The following DRC1 variants were observed in gnomAD, a reference collection of about 807,000 sequenced individuals.
DRC1 encodes the protein dynein regulatory complex protein 1.
Under a neutral mutation model 98.7 loss-of-function variants are expected in DRC1, and 74 were observed. The observed-to-expected ratio is 0.75, with a 90% CI of 0.62 to 0.91. The LOEUF is 0.91. Ranked by LOEUF, DRC1 falls within the 40% of genes least tolerant of loss-of-function variation. The pLI is 0.00. For synonymous variants in DRC1, 336 were observed against 334.1 expected (o/e 1.01, Z -0.06); for missense variants, 875 against 886.0 (o/e 0.99, Z 0.16).
At chr2:26,426,334 T>C (rs1246749831) in intron 4 of DRC1, among the ~76,000 whole-genome samples, 1 of 152,092 alleles carries the variant, frequency 6.6e-6, no homozygotes, top group Non-Finnish European at 1.5e-5. Context: ...CAACATTCTT[T>C]AATTCCTGTT....
rs371626401 is a variant in DRC1 at position 26,454,827 on chromosome 2, G to C, written c.2063+37G>C. On this transcript the variant is annotated intron_variant, in intron 15 of 16. Transcript: ENST00000288710. This position sits in a 1 kb window ranked among gnomAD's most constrained non-coding sequence, Gnocchi z 5.2. ...TGTCATGGAGCAGGAGGGTGCTGGC[G>C]GGCAGGTGAGGAACGGTTGTTGGGA... 7 of 1,612,906 alleles carry C rather than the reference G, an allele frequency of 4.3e-6. No individual in the cohort carries two copies. The highest frequency in any genetic ancestry group is 5.9e-6 in the Non-Finnish European group (7 of 1,179,354).
chr2:26,407,642 C>T (rs577626865), intron 1 of DRC1, among the ~76,000 whole-genome samples: 3 of 152,072 alleles, frequency 2.0e-5, no homozygotes, highest in Admixed American at 6.5e-5. Context: ...TGGCTTACTT[C>T]GTCCGACCAC....
At chr2:26,456,321 G>C in intron 16 of DRC1, 140 bp from the exon 17 acceptor site, 1 of 1,002,986 alleles carries the variant, frequency 1.0e-6, no homozygotes, top group South Asian at 1.6e-5. Flanking sequence ...CAGTCTGTGG[G>C]TGTTCAGCAT....
rs558967261 is a variant in DRC1 at position 26,426,580 on chromosome 2, T to C, written c.540+2126T>C. Reference sequence around the variant, plus strand: ...TGGAGTTTCACAATTTTGGCCAGGCTAGTCTCGAACTCCTGACCTCAGGTG... The same window carrying C: ...TGGAGTTTCACAATTTTGGCCAGGCCAGTCTCGAACTCCTGACCTCAGGTG... On this transcript the variant is annotated intron_variant, in intron 4 of 16. Coordinates refer to ENST00000288710, the MANE Select transcript of DRC1 (RefSeq NM_145038.5). Among the ~76,000 whole-genome samples, 66 of 152,144 alleles carry C rather than the reference T, an allele frequency of 4.3e-4. 1 individual carries two copies. Among genetic ancestry groups the C allele is most frequent in the Admixed American group, 1.2e-3 (18 of 15,284 alleles).
chr2:26,425,182 C>T (rs1384442347), intron 4 of DRC1, among the ~76,000 whole-genome samples: 1 of 152,178 alleles, frequency 6.6e-6, no homozygotes, highest in Non-Finnish European at 1.5e-5. Context: ...AATCATACAG[C>T]ATTTGTCCTT....
At chr2:26,440,551 C>A (rs755300811) in intron 8 of DRC1, 34 bp downstream of exon 8, 1 of 1,596,610 alleles carries the variant, frequency 6.3e-7, no homozygotes, top group South Asian at 1.1e-5. Flanking sequence ...TTCTTCTGGG[C>A]CTTCTGTGCT....
chr2:26,448,509 A>T (rs1342010752), intron 10 of DRC1, 182 bp from the exon 11 acceptor site: 1 of 724,364 alleles, frequency 1.4e-6, no homozygotes, highest in Admixed American at 2.0e-5. Context: ...CCGACCCCCT[A>T]GCCCGCCTTC....
intron 7 of DRC1, among the ~76,000 whole-genome samples, chr2:26,438,597 G>C (rs1298965854): frequency 6.6e-6 from 1 of 152,130 alleles, no homozygotes. Context: ...CCATGGTGAC[G>C]CAGAATATCC....
intron 10 of DRC1, among the ~76,000 whole-genome samples, chr2:26,447,130 A>G (rs1182961561): frequency 6.8e-6 from 1 of 148,118 alleles, no homozygotes; most frequent in Non-Finnish European, 1.5e-5. Context: ...AAAAATAAAA[A>G]TAGGCCGGGT....
chr2:26,440,514 A>G lies in DRC1; in HGVS notation c.1025A>G (p.Asn342Ser), dbSNP rs750160871. The change falls in exon 8 of 17, where the codon AAT becomes AGT. Residue 342 changes from asparagine (N) to serine (S), a missense_variant. Asn to Ser is a conservative substitution (Grantham distance 46). Transcript: ENST00000288710. ...VIKSQQKRKI[N>S]RLHDILNNLR... The stretch of plus-strand genomic sequence containing the variant: ...AAATCCCAGCAGAAGAGGAAGATCA[A>G]TCGGTAAGCTAGCATGCAGAGCGTC... 8.1e-6 allele frequency: 13 copies of G among 1,609,988 alleles called. No homozygotes were observed. The highest frequency in any genetic ancestry group is 4.4e-5 in the South Asian group (4 of 90,324).
chr2:26,404,995 GC>G (rs1678370938), intron 1 of DRC1, among the ~76,000 whole-genome samples: 1 of 152,172 alleles, frequency 6.6e-6, no homozygotes, highest in African/African-American at 2.4e-5. Context: ...ATGACCCTAG[GC>G]CCCTTTGGGG....
intron 2 of DRC1, among the ~76,000 whole-genome samples, chr2:26,420,825 G>A (rs1015449629): frequency 2.7e-5 from 4 of 149,094 alleles, no homozygotes; most frequent in Non-Finnish European, 4.4e-5. Flanking sequence ...GTGTAGCGGC[G>A]TGACCTTGGC....
In DRC1 at chr2:26,412,907, C is replaced by G. The variant is rs1346854161; in HGVS notation, c.156-1437C>G. Reference sequence around the variant, plus strand: ...ACGCCATTCTCCTGCCTCAGCCTCCCAAGTAGCTGGGACTACAGGCGCCCA... The same window carrying G: ...ACGCCATTCTCCTGCCTCAGCCTCCGAAGTAGCTGGGACTACAGGCGCCCA... On this transcript the variant is annotated intron_variant, in intron 1 of 16. Transcript: ENST00000288710. Among the ~76,000 whole-genome samples the G allele has an allele frequency of 2.6e-5, 4 of 152,254 alleles. No homozygotes were observed. In the East Asian group the frequency reaches 7.7e-4, roughly 29 times the overall value.
Position 26,438,323 on chromosome 2 carries a change from CT to C in DRC1, c.889-2050del, listed in dbSNP as rs201322273. Among the ~76,000 whole-genome samples, 4 of 152,098 alleles carry C rather than the reference CT, an allele frequency of 2.6e-5. No individual in the cohort carries two copies. The East Asian group carries it at 7.7e-4, about 29-fold the overall frequency. ...TTGCAGCTTCTTTCTCCTATGTCTT[CT>C]TTTTCATTTGCTGTACTTTCCAAAT... On this transcript the variant is annotated intron_variant, in intron 7 of 16. Transcript: ENST00000288710.
Position 26,449,885 on chromosome 2 carries a change from G to A in DRC1, c.1510-111G>A, listed in dbSNP as rs370369506. The A allele has an allele frequency of 3.4e-4, 312 of 929,570 alleles. 4 individuals carry two copies. In the South Asian group the frequency reaches 3.7e-3, roughly 11 times the overall value. 57.6% of individuals were successfully genotyped at this position (929,570 alleles called of 1,614,324 possible). On this transcript the variant is annotated intron_variant, in intron 11 of 16. Transcript: ENST00000288710. ...CCACTGCTGGCTCCCATCCCTGGGC[G>A]TCTGCTCCGTGGCATGGTCCCTGGA...
Position 26,453,527 on chromosome 2 carries a change from G to T in DRC1, c.1897G>T (p.Val633Phe), listed in dbSNP as rs12623642. Residue 633 changes from valine to phenylalanine, a missense_variant, in exon 14 of 17, where the codon GTC (valine) becomes TTC (phenylalanine). Transcript: ENST00000288710. ...TGTCCTCAAGATTCTGGAGGCCTTC[G>T]TCATGGGTCTGAAGAAGCCTAGGTG... ...NDVLKILEAF[V>F]MGLKKPRDSR... is the part of the protein sequence containing the mutation. The T allele has an allele frequency of 0.092, 148,132 of 1,613,792 alleles. 15,805 individuals carry two copies. Among genetic ancestry groups the T allele is most frequent in the East Asian group, 0.61 (27,460 of 44,842 alleles).
chr2:26,444,597 TG>T, intron 9 of DRC1, 118 bp from the exon 10 acceptor site: 1 of 1,099,972 alleles, frequency 9.1e-7, no homozygotes, highest in Non-Finnish European at 1.3e-6. Context: ...CGCCCAGGGA[TG>T]GGGCCAGGCC....
At chr2:26,413,650 G>A (rs1487564208) in intron 1 of DRC1, among the ~76,000 whole-genome samples, 1 of 152,034 alleles carries the variant, frequency 6.6e-6, no homozygotes, top group Non-Finnish European at 1.5e-5. Flanking sequence ...CATATCCTCT[G>A]CCAGTTTTTC....
intron 3 of DRC1, among the ~76,000 whole-genome samples, 157 bp downstream of exon 3, chr2:26,421,557 CTTTTTTTT>C: frequency 8.3e-6 from 1 of 120,124 alleles, no homozygotes; most frequent in South Asian, 2.9e-4. Context: ...CTTTCTCTCT[CTTTTTTTT>C]TTTTTTTTTT....
Sources: allele counts gnomAD v4.1 joint callset (sites outside exome capture counted in the v4.1 genomes callset), GRCh38; gene constraint gnomAD v4.1.1; non-coding constraint Gnocchi (gnomAD v3.1); transcripts MANE v1.5; gene names NCBI Gene and HGNC (gene_info 2026-07-23, HGNC 2026-07-21).